Variants in DTNB observed in about 807,000 individuals in gnomAD.
DTNB encodes the protein dystrobrevin beta, also known as DTN-B.
In DTNB, 63 loss-of-function variants were observed where a neutral mutation model predicts 90.7. The ratio of observed to expected loss-of-function variants is 0.69; its 90% CI spans 0.57 to 0.86. DTNB has a LOEUF of 0.86. Ranked by LOEUF, DTNB falls within the 40% of genes least tolerant of loss-of-function variation. The pLI is 0.00. For missense variants in DTNB, 744 were observed against 807.1 expected (o/e 0.92, Z 0.95); for synonymous variants, 277 against 286.7 (o/e 0.97, Z 0.34).
intron 10 of DTNB, among the ~76,000 whole-genome samples, chr2:25,479,096 T>C (rs2064353711): frequency 6.6e-6 from 1 of 152,220 alleles, no homozygotes; most frequent in South Asian, 2.1e-4. Flanking sequence ...GGAGACATAA[T>C]ATTAATATAC....
intron 10 of DTNB, among the ~76,000 whole-genome samples, chr2:25,470,759 A>G (rs1410892301): frequency 6.6e-6 from 1 of 152,194 alleles, no homozygotes; most frequent in Non-Finnish European, 1.5e-5. Context: ...TTATATCAGT[A>G]TAACAGTACT....
chr2:25,590,142 AG>A (rs2063272226), intron 6 of DTNB, among the ~76,000 whole-genome samples: 1 of 152,220 alleles, frequency 6.6e-6, no homozygotes, highest in Admixed American at 6.5e-5. Context: ...AGCCCCAAGG[AG>A]GGTATTACAG....
intron 9 of DTNB, among the ~76,000 whole-genome samples, chr2:25,522,634 T>TA (rs1279160852): frequency 6.6e-6 from 1 of 151,604 alleles, no homozygotes; most frequent in Non-Finnish European, 1.5e-5. Flanking sequence ...TACATTATCT[T>TA]AAAAAAATCC....
At chr2:25,629,534 T>C (rs2075223084) in intron 3 of DTNB, among the ~76,000 whole-genome samples, 1 of 152,170 alleles carries the variant, frequency 6.6e-6, no homozygotes, top group East Asian at 1.9e-4. Context: ...GTAAGGGATA[T>C]GTCTAAAACA....
chr2:25,614,721 C>A (rs760816287), intron 4 of DTNB, among the ~76,000 whole-genome samples: 2 of 152,076 alleles, frequency 1.3e-5, no homozygotes, highest in Non-Finnish European at 2.9e-5. Context: ...GCTCAGAATC[C>A]CGTTGCGATT....
At chr2:25,603,736 G>A (rs2066417832) in intron 5 of DTNB, among the ~76,000 whole-genome samples, 1 of 152,016 alleles carries the variant, frequency 6.6e-6, no homozygotes, top group South Asian at 2.1e-4. Flanking sequence ...CATTAATAGA[G>A]GTAACAACAG....
At chr2:25,385,305 T>A (rs929383618) in intron 18 of DTNB, among the ~76,000 whole-genome samples, 1 of 152,210 alleles carries the variant, frequency 6.6e-6, no homozygotes, top group African/African-American at 2.4e-5. Flanking sequence ...TCTGAGTATG[T>A]CCTCTCATTG....
Position 25,652,546 on chromosome 2 carries a change from A to C in DTNB, c.67+48T>G, listed in dbSNP as rs931575134. The C allele has an allele frequency of 4.5e-6, 7 of 1,555,858 alleles. No individual in the cohort carries two copies. The African/African-American group carries it at 9.8e-5, about 22-fold the overall frequency. ...ATGACTTGATCTAAAAAAAAAAAAA[A>C]AACCACACAAACATTCCCGCACATA... On this transcript the variant is annotated intron_variant, in intron 2 of 20. Transcript: ENST00000406818.
intron 12 of DTNB, among the ~76,000 whole-genome samples, chr2:25,443,705 C>T (rs1013288493): frequency 2.0e-5 from 3 of 152,246 alleles, no homozygotes; most frequent in African/African-American, 7.2e-5. Context: ...GATTCCCAAG[C>T]TCACCGTAAA....
Position 25,634,033 on chromosome 2 carries a change from AAGTTAGG to A in DTNB, c.148+4974_148+4980del, listed in dbSNP as rs1290488434. Reference sequence around the variant, plus strand: ...CCGCCCGGCAGCCACCCCGTCTGGGAAGTTAGGAGCGTCTACGCCCGGCAGCCAGGAG... The same window carrying A: ...CCGCCCGGCAGCCACCCCGTCTGGGAAGCGTCTACGCCCGGCAGCCAGGAG... On this transcript the variant is annotated intron_variant, in intron 3 of 20. Coordinates refer to ENST00000406818, the MANE Select transcript of DTNB (RefSeq NM_021907.5). 5.3e-5 allele frequency among the ~76,000 whole-genome samples: 8 copies of A among 151,474 alleles called. No individual in the cohort carries two copies. The East Asian group carries it at 1.6e-3, about 30-fold the overall frequency.
chr2:25,608,644 T>C (rs1044201913), intron 4 of DTNB, among the ~76,000 whole-genome samples: 1 of 152,216 alleles, frequency 6.6e-6, no homozygotes, highest in East Asian at 1.9e-4. Flanking sequence ...TTAAAAGGAA[T>C]GGGTTTCTAA....
At chr2:25,628,574 G>GTTGAT (rs2074977927) in intron 3 of DTNB, among the ~76,000 whole-genome samples, 190 bp from the exon 4 acceptor site, 1 of 152,094 alleles carries the variant, frequency 6.6e-6, no homozygotes, top group Non-Finnish European at 1.5e-5. Flanking sequence ...CCACCACAGC[G>GTTGAT]GTATGGGAAG....
At chr2:25,456,663 C>T (rs1401027339) in intron 10 of DTNB, among the ~76,000 whole-genome samples, 1 of 152,114 alleles carries the variant, frequency 6.6e-6, no homozygotes, top group African/African-American at 2.4e-5. Context: ...ACCTCTGCCT[C>T]CTGGGTTCAA....
intron 9 of DTNB, among the ~76,000 whole-genome samples, chr2:25,496,907 G>C (rs2069029428): frequency 6.6e-6 from 1 of 151,270 alleles, no homozygotes; most frequent in South Asian, 2.1e-4. Context: ...GGAAGTTCTA[G>C]GGGCTCTAGC....
intron 9 of DTNB, among the ~76,000 whole-genome samples, chr2:25,528,404 C>T (rs2150887560): frequency 6.6e-6 from 1 of 152,188 alleles, no homozygotes; most frequent in Non-Finnish European, 1.5e-5. Context: ...ACCGGAGGGG[C>T]TAGCCAGCAT....
intron 12 of DTNB, among the ~76,000 whole-genome samples, chr2:25,442,822 G>A (rs775589382): frequency 5.3e-5 from 8 of 152,092 alleles, no homozygotes; most frequent in Non-Finnish European, 1.0e-4. Context: ...GTTCTGCCTC[G>A]GTTTCCTTTT....
chr2:25,563,925 C>G (rs1433013275), intron 8 of DTNB, among the ~76,000 whole-genome samples: 1 of 152,068 alleles, frequency 6.6e-6, no homozygotes, highest in African/African-American at 2.4e-5. Context: ...GAGTCTCACT[C>G]TGTCGCCCAG....
chr2:25,438,610 A>T (rs1388701108), intron 12 of DTNB, among the ~76,000 whole-genome samples: 1 of 152,274 alleles, frequency 6.6e-6, no homozygotes, highest in Non-Finnish European at 1.5e-5. Context: ...ATGGGGAAGA[A>T]CAGACAAATT....
chr2:25,382,629 AG>A (rs2038178704), intron 19 of DTNB, among the ~76,000 whole-genome samples: 1 of 146,134 alleles, frequency 6.8e-6, no homozygotes. Flanking sequence ...CCTGAGTTCA[AG>A]GGATTCTCCT....
Sources: gnomAD v4.1 joint callset for allele counts (sites outside exome capture counted in the v4.1 genomes callset) on GRCh38, gnomAD v4.1.1 for gene constraint, MANE v1.5 for transcripts, NCBI Gene and HGNC (gene_info 2026-07-23, HGNC 2026-07-21) for gene names.